The following ERICH1 variants were observed in gnomAD, a reference collection of about 807,000 sequenced individuals.
ERICH1 encodes glutamate-rich protein 1.
Under a neutral mutation model 39.6 loss-of-function variants are expected in ERICH1, and 56 were observed. That is an observed-to-expected ratio of 1.41 (90% CI 1.14 to 1.77). ERICH1 has a LOEUF of 1.77. ERICH1 is among the 40% of genes most tolerant of loss of function. The pLI, the probability that ERICH1 is intolerant of heterozygous loss-of-function variation, is 0.00. For missense variants in ERICH1, 826 were observed against 575.4 expected, an observed-to-expected ratio of 1.44 and a Z score of -4.45; for synonymous variants, 313 against 223.6, an observed-to-expected ratio of 1.40 and a Z score of -3.57.
intron 3 of ERICH1, among the ~76,000 whole-genome samples, chr8:624,789 C>T (rs372555576): frequency 1.6e-4 from 24 of 151,992 alleles, no homozygotes; most frequent in Non-Finnish European, 2.8e-4. Context: ...TGCAGTGGCA[C>T]GATCTCGGCT....
chr8:731,215 C>G lies in ERICH1; in HGVS notation c.-54G>C. ...CGGCGCGCGGTCCTGAGCTGAGCGCCGTGCCTTCCGGGTTCCGCCCTCCTG... is the reference window on the plus strand; with the variant it reads ...CGGCGCGCGGTCCTGAGCTGAGCGCGGTGCCTTCCGGGTTCCGCCCTCCTG... On this transcript the variant is annotated 5_prime_UTR_variant, in exon 1 of 6. Coordinates refer to ENST00000262109, the MANE Select transcript of ERICH1 (RefSeq NM_207332.3). 7.1e-7 allele frequency: 1 copy of G among 1,415,908 alleles called. No individual in the cohort carries two copies. The highest frequency in any genetic ancestry group is 9.2e-7 in the Non-Finnish European group (1 of 1,086,218). 87.7% of individuals were successfully genotyped at this position (1,415,908 alleles called of 1,614,324 possible).
intron 3 of ERICH1, among the ~76,000 whole-genome samples, chr8:617,182 C>G (rs1302748795): frequency 6.6e-6 from 1 of 152,016 alleles, no homozygotes; most frequent in Non-Finnish European, 1.5e-5. Flanking sequence ...GCGGTGGGGA[C>G]CACACGATTC....
chr8:662,735 A>T (rs1473567768), downstream of ERICH1, among the ~76,000 whole-genome samples: 1 of 152,240 alleles, frequency 6.6e-6, no homozygotes, highest in African/African-American at 2.4e-5. Flanking sequence ...CAGGTTCCAC[A>T]AGGCCATGGA....
At chr8:716,705 T>C (rs1487244652) in intron 1 of ERICH1, among the ~76,000 whole-genome samples, 1 of 152,202 alleles carries the variant, frequency 6.6e-6, no homozygotes, top group Non-Finnish European at 1.5e-5. Context: ...TGCTTTGGAA[T>C]AACCAAAAGT....
intron 3 of ERICH1, among the ~76,000 whole-genome samples, chr8:643,366 C>T (rs1055235599): frequency 7.9e-5 from 12 of 152,200 alleles, no homozygotes; most frequent in Admixed American, 7.2e-4. Flanking sequence ...GAGGGAAAGG[C>T]TGACCCCCTG....
In ERICH1 at chr8:731,195, C is replaced by T; in HGVS notation, c.-34G>A. The T allele has an allele frequency of 6.7e-7, 1 of 1,488,376 alleles. No homozygotes were observed. The highest frequency in any genetic ancestry group is 8.9e-7 in the Non-Finnish European group (1 of 1,121,528). 92.2% of individuals were successfully genotyped at this position (1,488,376 alleles called of 1,614,324 possible). ...CTGCCGCGGACCTCAGACCACGGCGCGCGGTCCTGAGCTGAGCGCCGTGCC... is the reference window on the plus strand; with the variant it reads ...CTGCCGCGGACCTCAGACCACGGCGTGCGGTCCTGAGCTGAGCGCCGTGCC... On this transcript the variant is annotated 5_prime_UTR_variant, in exon 1 of 6. Transcript: ENST00000262109.
At chr8:717,244 G>C (rs1035664314) in intron 1 of ERICH1, among the ~76,000 whole-genome samples, 1 of 152,164 alleles carries the variant, frequency 6.6e-6, no homozygotes, top group Admixed American at 6.5e-5. Flanking sequence ...TCTTCACCAG[G>C]TCCTGGCAAT....
downstream of ERICH1, among the ~76,000 whole-genome samples, chr8:662,019 T>C (rs575404048): frequency 6.8e-6 from 1 of 147,474 alleles, no homozygotes; most frequent in African/African-American, 2.5e-5. Context: ...CAATGGCAGG[T>C]ATTCTGTGGA....
intron 2 of ERICH1, among the ~76,000 whole-genome samples, chr8:711,350 C>T (rs933187557): frequency 1.3e-5 from 2 of 152,186 alleles, no homozygotes; most frequent in African/African-American, 2.4e-5. Context: ...AGGTTATCAA[C>T]TGGACATCTA....
intron 3 of ERICH1, among the ~76,000 whole-genome samples, chr8:684,226 C>T (rs1010565444): frequency 2.0e-5 from 3 of 152,048 alleles, no homozygotes; most frequent in African/African-American, 7.2e-5. Context: ...CTGTCAAAAC[C>T]ATGAGGCAAG....
At chr8:636,942 T>C (rs1297863671) in intron 3 of ERICH1, among the ~76,000 whole-genome samples, 1 of 152,126 alleles carries the variant, frequency 6.6e-6, no homozygotes, top group African/African-American at 2.4e-5. Flanking sequence ...CTTCTCAGCA[T>C]TTCCCAGCCT....
intron 3 of ERICH1, among the ~76,000 whole-genome samples, chr8:652,556 C>T (rs761211496): frequency 6.6e-6 from 1 of 152,320 alleles, no homozygotes; most frequent in Non-Finnish European, 1.5e-5. Context: ...CATTCACTTT[C>T]CAAAGTGTCC....
chr8:677,693 G>C (rs1031763045), intron 3 of ERICH1, among the ~76,000 whole-genome samples: 2 of 152,174 alleles, frequency 1.3e-5, no homozygotes, highest in African/African-American at 4.8e-5. Context: ...GTTAAAAAAA[G>C]ATGAAATTAA....
At chr8:622,038 C>T (rs535949437) in intron 3 of ERICH1, among the ~76,000 whole-genome samples, 4 of 152,128 alleles carry the variant, frequency 2.6e-5, no homozygotes, top group Admixed American at 6.5e-5. Flanking sequence ...AACACAGTGA[C>T]AACACCTCTA....
In ERICH1 at chr8:673,418, C is replaced by T; in HGVS notation, c.934G>A (p.Glu312Lys). 1.9e-6 allele frequency: 3 copies of T among 1,614,046 alleles called. No homozygotes were observed. The highest frequency in any genetic ancestry group is 2.5e-6 in the Non-Finnish European group (3 of 1,179,990). Residue 312 changes from glutamate to lysine, a missense_variant, in exon 4 of 6, where the codon GAA becomes AAA. Transcript: ENST00000262109. ...TCCTCCCCGGAGTCTGCACCCTCTT[C>T]CTCCCCAGCCCATGTCGGGTCTTCC... ...SEEDPTWAGE[E>K]EGADSGEEDG...
At chr8:672,202 A>G (rs939036418) in intron 4 of ERICH1, 3 of 152,278 alleles carry the variant, frequency 2.0e-5, no homozygotes, top group African/African-American at 7.2e-5. Context: ...GGTCTGCCCC[A>G]AGCTGCTCGA....
intron 3 of ERICH1, among the ~76,000 whole-genome samples, chr8:640,097 T>G (rs894453097): frequency 2.6e-5 from 4 of 152,046 alleles, no homozygotes; most frequent in South Asian, 2.1e-4. Context: ...AGGAAGAAAC[T>G]CAGGGGGCTG....
At chr8:619,552 C>CG (rs1354574445) in intron 3 of ERICH1, among the ~76,000 whole-genome samples, 1 of 151,958 alleles carries the variant, frequency 6.6e-6, no homozygotes, top group Non-Finnish European at 1.5e-5. Flanking sequence ...CAGTATCCAC[C>CG]GGGGGAAGAA....
At chr8:663,391 AG>A (rs1182592979), downstream of ERICH1, among the ~76,000 whole-genome samples, 1 of 152,048 alleles carries the variant, frequency 6.6e-6, no homozygotes, top group Non-Finnish European at 1.5e-5. Context: ...GCACTGGGGG[AG>A]TGGGGAGCCC....
Sources: gnomAD v4.1 joint callset for allele counts (sites outside exome capture counted in the v4.1 genomes callset) on GRCh38, gnomAD v4.1.1 for gene constraint, MANE v1.5 for transcripts, NCBI Gene and HGNC (gene_info 2026-07-23, HGNC 2026-07-21) for gene names.